The following IGF1R variants were observed in gnomAD, a reference collection of about 807,000 sequenced individuals.
IGF1R encodes insulin-like growth factor 1 receptor.
In IGF1R, 44 loss-of-function variants were observed where a neutral mutation model predicts 144.6. The ratio of observed to expected loss-of-function variants is 0.30; its 90% CI spans 0.24 to 0.39. The LOEUF is 0.39. Among genes scored for constraint, IGF1R ranks in the 10% least tolerant of loss-of-function variants. The probability of loss-of-function intolerance (pLI) is 1.00; values close to 1 mark genes in which losing one functional copy is unlikely to be tolerated. For missense variants in IGF1R, 1,355 were observed against 1,833.7 expected, an observed-to-expected ratio of 0.74 and a Z score of 4.77; for synonymous variants, 795 against 722.8, an observed-to-expected ratio of 1.10 and a Z score of -1.60.
chr15:98,948,013 T>TA (rs1460318292), intron 19 of IGF1R, among the ~76,000 whole-genome samples: 2 of 152,136 alleles, frequency 1.3e-5, no homozygotes, highest in Admixed American at 6.5e-5. Context: ...GCCCTCTGTT[T>TA]AAAAACCTCC....
chr15:98,840,483 T>G (rs1385820675), intron 2 of IGF1R, among the ~76,000 whole-genome samples: 2 of 152,134 alleles, frequency 1.3e-5, no homozygotes, highest in Non-Finnish European at 2.9e-5. Context: ...GGAGTCTCAC[T>G]CTGTCACCCC....
At chr15:98,840,910 A>AC (rs1293247855) in intron 2 of IGF1R, among the ~76,000 whole-genome samples, 1 of 151,742 alleles carries the variant, frequency 6.6e-6, no homozygotes, top group East Asian at 1.9e-4. Context: ...CAAACTCCTG[A>AC]CCTCAGGTGA....
intron 2 of IGF1R, among the ~76,000 whole-genome samples, chr15:98,818,559 A>G (rs7181127): frequency 0.15 from 22,731 of 151,070 alleles, 2,473 homozygotes; most frequent in African/African-American, 0.3. Context: ...TTTTGGGTGA[A>G]ATAATTAGTT....
At chr15:98,945,620 G>A (rs935398518) in intron 19 of IGF1R, among the ~76,000 whole-genome samples, 1 of 152,162 alleles carries the variant, frequency 6.6e-6, no homozygotes, top group African/African-American at 2.4e-5. Context: ...CATATTTCTC[G>A]GTGCTTCTGA....
At chr15:98,699,973 G>A (rs758290583) in intron 1 of IGF1R, among the ~76,000 whole-genome samples, 2 of 152,198 alleles carry the variant, frequency 1.3e-5, no homozygotes, top group African/African-American at 4.8e-5. Flanking sequence ...AAATGGGAAT[G>A]TATATATACA....
rs2015235353 is a variant in IGF1R, at chr15:98,916,149, G to C, written c.1996+18G>C. On this transcript the variant is annotated intron_variant, in intron 9 of 20. Transcript: ENST00000650285. ...CTCCAAAGGTAAGGGTGCAGCAGCGGCCTGGACGGAGGGTGTGACCGTTCA... is the reference window on the plus strand; with the variant it reads ...CTCCAAAGGTAAGGGTGCAGCAGCGCCCTGGACGGAGGGTGTGACCGTTCA... 5 of 1,613,772 alleles carry C rather than the reference G, an allele frequency of 3.1e-6. No homozygotes were observed. Among genetic ancestry groups the C allele is most frequent in the Non-Finnish European group, 4.2e-6 (5 of 1,179,734 alleles).
At chr15:98,930,575 A>C (rs552934851) in intron 15 of IGF1R, among the ~76,000 whole-genome samples, 1 of 152,304 alleles carries the variant, frequency 6.6e-6, no homozygotes, top group South Asian at 2.1e-4. Flanking sequence ...CGCAGTAATC[A>C]ATTTATTTAA....
intron 1 of IGF1R, among the ~76,000 whole-genome samples, chr15:98,664,746 T>G (rs909337921): frequency 7.3e-5 from 11 of 151,322 alleles, no homozygotes; most frequent in Non-Finnish European, 1.5e-4. Flanking sequence ...CAATACTTCA[T>G]GAGTGAATAC....
chr15:98,712,838 G>A (rs940425134), intron 2 of IGF1R, among the ~76,000 whole-genome samples: 1 of 149,738 alleles, frequency 6.7e-6, no homozygotes, highest in East Asian at 2.0e-4. Flanking sequence ...TCGAACTCCC[G>A]ACCTCAGGCG....
At chr15:98,849,690 G>A (rs1426847763) in intron 2 of IGF1R, among the ~76,000 whole-genome samples, 3 of 151,402 alleles carry the variant, frequency 2.0e-5, no homozygotes, top group Non-Finnish European at 4.4e-5. Context: ...AAAAAACAAA[G>A]TAAAACAGAG....
chr15:98,723,199 A>G (rs2054282577), intron 2 of IGF1R, among the ~76,000 whole-genome samples: 1 of 152,156 alleles, frequency 6.6e-6, no homozygotes, highest in Non-Finnish European at 1.5e-5. Flanking sequence ...ACTTTAAATC[A>G]GAAACGTGAG....
chr15:98,870,605 CAT>C (rs1491100970), intron 2 of IGF1R, among the ~76,000 whole-genome samples: 2 of 152,088 alleles, frequency 1.3e-5, no homozygotes, highest in Non-Finnish European at 2.9e-5. Flanking sequence ...AAAAGATGTG[CAT>C]GTGTGTGTGT....
At chr15:98,885,998 G>C (rs1281085147) in intron 2 of IGF1R, among the ~76,000 whole-genome samples, 1 of 152,026 alleles carries the variant, frequency 6.6e-6, no homozygotes, top group Non-Finnish European at 1.5e-5. Context: ...TGTATTTTTA[G>C]TAAGAGATGG....
At chr15:98,936,270 A>G (rs2016144975) in intron 17 of IGF1R, among the ~76,000 whole-genome samples, 1 of 152,202 alleles carries the variant, frequency 6.6e-6, no homozygotes, top group Non-Finnish European at 1.5e-5. Flanking sequence ...ACTTTGGGTT[A>G]TGAGCTTCCA....
At position 98,648,749 on chromosome 15, in the gene IGF1R, C is replaced by CCCCGCGCCCTCCACGCCCCT. The variant is rs1288386412; in HGVS notation, c.-825_-806dup. ...ACCCTCGGCCCCGCTCCCCGGATCC[C>CCCCGCGCCCTCCACGCCCCT]CCCGCGCCCTCCACGCCCCTCCCGC... On this transcript the variant is annotated 5_prime_UTR_variant, in exon 1 of 21. Coordinates refer to ENST00000650285, the MANE Select transcript of IGF1R (RefSeq NM_000875.5). Among the ~76,000 whole-genome samples the CCCCGCGCCCTCCACGCCCCT allele has an allele frequency of 3.4e-5, 5 of 144,978 alleles. No homozygotes were observed. The highest frequency in any genetic ancestry group is 6.0e-5 in the Non-Finnish European group (4 of 66,312).
chr15:98,811,753 C>T (rs893558344), intron 2 of IGF1R, among the ~76,000 whole-genome samples: 5 of 151,648 alleles, frequency 3.3e-5, no homozygotes, highest in African/African-American at 9.7e-5. Context: ...GGTGAAACCC[C>T]GTGTCCACTA....
chr15:98,834,456 T>TA (rs1371825522), intron 2 of IGF1R, among the ~76,000 whole-genome samples: 1 of 152,352 alleles, frequency 6.6e-6, no homozygotes, highest in Non-Finnish European at 1.5e-5. Context: ...CAGATTCTGG[T>TA]AAAAACTCTT....
At chr15:98,716,307 G>C (rs2054114449) in intron 2 of IGF1R, among the ~76,000 whole-genome samples, 1 of 152,036 alleles carries the variant, frequency 6.6e-6, no homozygotes, top group African/African-American at 2.4e-5. Context: ...CGTGTTGCTT[G>C]GTCTCTCTCT....
intron 2 of IGF1R, among the ~76,000 whole-genome samples, chr15:98,889,622 GCTTGT>G (rs2013808963): frequency 6.6e-6 from 1 of 152,164 alleles, no homozygotes; most frequent in South Asian, 2.1e-4. Flanking sequence ...TTTCAGAATG[GCTTGT>G]CTTTTTTGTA....
Sources: allele counts gnomAD v4.1 joint callset (sites outside exome capture counted in the v4.1 genomes callset), GRCh38; gene constraint gnomAD v4.1.1; transcripts MANE v1.5; gene names NCBI Gene and HGNC (gene_info 2026-07-23, HGNC 2026-07-21).